Variants in SUOX observed in about 807,000 individuals in gnomAD.
The protein encoded by SUOX is sulfite oxidase, mitochondrial.
In SUOX, 39 loss-of-function variants were observed where a neutral mutation model predicts 41.9. That is an observed-to-expected ratio of 0.93 (90% CI 0.72 to 1.21). SUOX has a LOEUF of 1.21. SUOX is among the 50% of genes most tolerant of loss of function. The pLI is 0.00. For missense variants in SUOX, 633 were observed against 689.5 expected (o/e 0.92, Z 0.92); for synonymous variants, 220 against 268.4 (o/e 0.82, Z 1.76).
At chr12:56,002,037 G>A (rs1890549581) in intron 2 of SUOX, 175 bp from the exon 3 acceptor site, 1 of 1,484,792 alleles carries the variant, frequency 6.7e-7, no homozygotes, top group East Asian at 2.5e-5. Context: ...TGTCTCTGAA[G>A]TGCTCCAAGT....
At chr12:56,000,242 G>A (rs972070124) in intron 2 of SUOX, among the ~76,000 whole-genome samples, 1 of 152,230 alleles carries the variant, frequency 6.6e-6, no homozygotes, top group Non-Finnish European at 1.5e-5. Flanking sequence ...AGCCCACGGC[G>A]AAGGGGGGCT....
At chr12:56,002,052 T>C (rs1890550082) in intron 2 of SUOX, 160 bp from the exon 3 acceptor site, 1 of 1,484,390 alleles carries the variant, frequency 6.7e-7, no homozygotes, top group Non-Finnish European at 9.0e-7. Context: ...CCAAGTTTTC[T>C]CTAAGGGCCC....
chr12:55,998,557 G>T (rs768874825), intron 2 of SUOX, among the ~76,000 whole-genome samples: 3 of 151,706 alleles, frequency 2.0e-5, no homozygotes, highest in Non-Finnish European at 4.4e-5. Context: ...CAGGGGGAGG[G>T]GAGGGGAAGC....
intron 4 of SUOX, among the ~76,000 whole-genome samples, chr12:56,003,388 A>G (rs1890603138): frequency 6.6e-6 from 1 of 151,748 alleles, no homozygotes; most frequent in Non-Finnish European, 1.5e-5. Flanking sequence ...CAGCCTCCCA[A>G]GTAGCTGGGA....
In SUOX at chr12:56,005,122, T is replaced by C. The variant is rs541679145; in HGVS notation, c.*95T>C. The C allele has an allele frequency of 6.9e-7, 1 of 1,452,674 alleles. No individual in the cohort carries two copies. Among genetic ancestry groups the C allele is most frequent in the East Asian group, 2.3e-5 (1 of 44,012 alleles). The allele number at this position is 1,452,674 out of a possible 1,614,324, so 90.0% of individuals were successfully genotyped here. A position where few individuals can be genotyped will look rare whatever the true frequency, so the allele number is the denominator to read the frequency against. On this transcript the variant is annotated 3_prime_UTR_variant, in exon 5 of 5. Coordinates refer to ENST00000266971, the MANE Select transcript of SUOX (RefSeq NM_001032386.2). ...ACCTTTCAACTTCTTGGATCACAAC[T>C]CTGGCCTTCCTAAGCCATACCCAAG...
At chr12:56,003,346 C>G (rs187515044) in intron 4 of SUOX, among the ~76,000 whole-genome samples, 1 of 151,890 alleles carries the variant, frequency 6.6e-6, no homozygotes, top group East Asian at 1.9e-4. Flanking sequence ...ACCACAACCT[C>G]CACCTCCCGG....
rs773655286 is a variant in SUOX, at chr12:56,002,721, G to A, written c.228+1G>A. 5 of 1,614,008 alleles carry A rather than the reference G, an allele frequency of 3.1e-6. No individual in the cohort carries two copies. In the South Asian group the frequency reaches 5.5e-5, roughly 18 times the overall value. ...GGCCTATCAGGACCATCGGTGTAGG[G>A]TAAGTAGGGAAAGTGCTTCATTGTC... On this transcript the variant is annotated splice_donor_variant, in intron 4 of 4. Transcript: ENST00000266971. LOFTEE classifies it high-confidence loss of function.
In SUOX at chr12:56,003,692, G is replaced by A; in HGVS notation, c.303G>A (p.Trp101Ter). 1 of 1,613,552 alleles carries A rather than the reference G, an allele frequency of 6.2e-7. No homozygotes were observed. Among genetic ancestry groups the A allele is most frequent in the Non-Finnish European group, 8.5e-7 (1 of 1,179,626 alleles). ...SSHTSPETGI[W>*]VTLGSEVFDV... The stretch of plus-strand genomic sequence containing the variant: ...ACACCAGCCCTGAGACTGGGATCTG[G>A]GTGACTCTGGGCTCTGAGGTCTTTG... Residue 101 changes from tryptophan (W) to a stop codon, truncating the protein, a stop_gained, in exon 5 of 5, where the codon TGG becomes TGA. Transcript: ENST00000266971. LOFTEE classifies it high-confidence loss of function.
At position 56,004,383 on chromosome 12, in the gene SUOX, G is replaced by A. The variant is rs1288014224; in HGVS notation, c.994G>A (p.Ala332Thr). 1.9e-6 allele frequency: 3 copies of A among 1,613,974 alleles called. No individual in the cohort carries two copies. The highest frequency in any genetic ancestry group is 2.2e-5 in the East Asian group (1 of 44,888). ...DSDPTGTAYG[A>T]SIPLARAMDP... ...AGACCCTACTGGGACTGCCTATGGA[G>A]CATCCATCCCTCTGGCTCGGGCCAT... The change falls in exon 5 of 5, where the codon GCA (alanine) becomes ACA (threonine). Residue 332 changes from alanine (A) to threonine (T), a missense_variant. By Grantham distance (58) the Ala-to-Thr change is moderately conservative. Coordinates refer to ENST00000266971, the MANE Select transcript of SUOX (RefSeq NM_001032386.2). The surrounding 1 kb of genome is among the most constrained non-coding windows in gnomAD (Gnocchi z 4.5).
rs1196380753 is a variant in SUOX, at chr12:56,004,464, C to T, written c.1075C>T (p.Arg359Cys). ...AYEMNGQPLP[R>C]DHGFPVRVVV... is the part of the protein sequence containing the mutation. Reference sequence around the variant, plus strand: ...TGAGATGAATGGGCAGCCTCTGCCACGTGACCACGGCTTCCCTGTGCGTGT... The same window carrying T: ...TGAGATGAATGGGCAGCCTCTGCCATGTGACCACGGCTTCCCTGTGCGTGT... Residue 359 changes from arginine (R) to cysteine (C), a missense_variant, in exon 5 of 5, where the codon CGT (arginine) becomes TGT (cysteine). Transcript: ENST00000266971. The surrounding 1 kb of genome is among the most constrained non-coding windows in gnomAD (Gnocchi z 4.5). The T allele has an allele frequency of 3.7e-6, 6 of 1,614,012 alleles. No individual in the cohort carries two copies. The highest frequency in any genetic ancestry group is 2.2e-5 in the East Asian group (1 of 44,894).
intron 2 of SUOX, 29 bp from the exon 3 acceptor site, chr12:56,002,183 A>G (rs1890554310): frequency 1.2e-6 from 2 of 1,612,318 alleles, no homozygotes; most frequent in African/African-American, 1.3e-5. Context: ...GGGTCTCCCT[A>G]TCTTGATCCC....
At position 56,002,356 on chromosome 12, in the gene SUOX, G is replaced by A. The variant is rs182608013; in HGVS notation, c.50+85G>A. 1,985 of 1,541,680 alleles carry A rather than the reference G, an allele frequency of 1.3e-3. 2 individuals carry two copies. The highest frequency in any genetic ancestry group is 1.9e-3 in the Admixed American group (113 of 58,516). ...TTACAATGTCATACCTTGCAAATAAGACAGTTGAGAGAGTGTGTCCAGGGA... is the reference window on the plus strand; with the variant it reads ...TTACAATGTCATACCTTGCAAATAAAACAGTTGAGAGAGTGTGTCCAGGGA... On this transcript the variant is annotated intron_variant, in intron 3 of 4. Transcript: ENST00000266971.
At chr12:55,998,541 CAG>C (rs768878265) in intron 2 of SUOX, among the ~76,000 whole-genome samples, 18 of 151,156 alleles carry the variant, frequency 1.2e-4, no homozygotes, top group Non-Finnish European at 2.1e-4. Flanking sequence ...AAGACCCTGT[CAG>C]GGGCAGGGGG....
In SUOX at chr12:56,004,792, TA is replaced by T; in HGVS notation, c.1405del (p.Thr469ProfsTer25). 6.2e-7 allele frequency: 1 copy of T among 1,614,062 alleles called. No homozygotes were observed. The highest frequency in any genetic ancestry group is 1.1e-5 in the South Asian group (1 of 91,072). On this transcript the variant is annotated frameshift_variant, in exon 5 of 5. Coordinates refer to ENST00000266971, the MANE Select transcript of SUOX (RefSeq NM_001032386.2). LOFTEE classifies it high-confidence loss of function. The surrounding 1 kb of genome is among the most constrained non-coding windows in gnomAD (Gnocchi z 4.5). ...IRVDVSLDGG[L>X]TWQVAKLDGE... ...GTGGATGTGTCTCTGGATGGGGGCC[TA>T]ACCTGGCAGGTGGCTAAGCTGGATG...
chr12:56,003,543 G>C, intron 4 of SUOX, 75 bp from the exon 5 acceptor site: 3 of 1,450,750 alleles, frequency 2.1e-6, no homozygotes, highest in Non-Finnish European at 2.9e-6. Flanking sequence ...TTACAGTTGT[G>C]AGTCACCACG....
At chr12:56,002,148 T>G in intron 2 of SUOX, 64 bp from the exon 3 acceptor site, 1 of 1,599,518 alleles carries the variant, frequency 6.3e-7, no homozygotes, top group South Asian at 1.1e-5. Flanking sequence ...CCCATTCCCT[T>G]AGGCCTCCCT....
chr12:55,998,419 C>T lies in SUOX; in HGVS notation c.-11+696C>T, dbSNP rs558298859. 9.9e-5 allele frequency among the ~76,000 whole-genome samples: 15 copies of T among 151,504 alleles called. No individual in the cohort carries two copies. The East Asian group carries it at 1.9e-3, about 20-fold the overall frequency. ...AAAAAAGACCATGCATGGTGGCACACGCCTGTGGTCCCCGCTACTCAGGAG... is the reference window on the plus strand; with the variant it reads ...AAAAAAGACCATGCATGGTGGCACATGCCTGTGGTCCCCGCTACTCAGGAG... On this transcript the variant is annotated intron_variant, in intron 2 of 4. Coordinates refer to ENST00000266971, the MANE Select transcript of SUOX (RefSeq NM_001032386.2).
rs1413294276 is a variant in SUOX at position 56,003,878 on chromosome 12, A to C, written c.489A>C (p.Glu163Asp). Residue 163 changes from glutamate (E) to aspartate (D), a missense_variant, in exon 5 of 5, where the codon GAA becomes GAC. By Grantham distance (45) the Glu-to-Asp change is conservative (BLOSUM62 2). Coordinates refer to ENST00000266971, the MANE Select transcript of SUOX (RefSeq NM_001032386.2). ...AQYKIGELNP[E>D]DKVAPTVETS... ...ACAAGATTGGGGAGCTGAATCCTGA[A>C]GACAAGGTAGCCCCCACCGTGGAGA... 3 of 1,613,916 alleles carry C rather than the reference A, an allele frequency of 1.9e-6. No individual in the cohort carries two copies. In the African/African-American group the frequency reaches 4.0e-5, roughly 22 times the overall value.
chr12:56,003,500 A>G, intron 4 of SUOX, 118 bp from the exon 5 acceptor site: 1 of 914,072 alleles, frequency 1.1e-6, no homozygotes, highest in Non-Finnish European at 1.7e-6. Flanking sequence ...ACCTTATGTG[A>G]TCCGCCCACC....
Sources: allele counts gnomAD v4.1 joint callset (sites outside exome capture counted in the v4.1 genomes callset), GRCh38; gene constraint gnomAD v4.1.1; non-coding constraint Gnocchi (gnomAD v3.1); transcripts MANE v1.5; gene names NCBI Gene and HGNC (gene_info 2026-07-23, HGNC 2026-07-21).